GRID2: variants seen among roughly 807,000 people sequenced by gnomAD.
GRID2 encodes glutamate receptor ionotropic, delta-2.
In GRID2, 33 loss-of-function variants were observed where a neutral mutation model predicts 114.8. That is an observed-to-expected ratio of 0.29 (90% CI 0.22 to 0.38). The LOEUF (loss-of-function observed/expected upper bound fraction) is 0.38, where lower values mean the gene tolerates loss of function less well. Ranked by LOEUF, GRID2 falls within the 10% of genes least tolerant of loss-of-function variation. The probability of loss-of-function intolerance (pLI) is 1.00; values close to 1 mark genes in which losing one functional copy is unlikely to be tolerated. For missense variants in GRID2, 1,184 were observed against 1,257.7 expected (o/e 0.94, Z 0.89); for synonymous variants, 505 against 449.9 (o/e 1.12, Z -1.55).
chr4:93,116,436 TATG>T (rs1733268355), intron 4 of GRID2, among the ~76,000 whole-genome samples: 1 of 152,220 alleles, frequency 6.6e-6, no homozygotes, highest in South Asian at 2.1e-4. Flanking sequence ...AGTATTAAGA[TATG>T]ATTATATTTA....
intron 4 of GRID2, among the ~76,000 whole-genome samples, chr4:93,119,823 G>C (rs1368489401): frequency 6.6e-6 from 1 of 152,174 alleles, no homozygotes; most frequent in Non-Finnish European, 1.5e-5. Flanking sequence ...AGTAGATACA[G>C]AATGACTCCC....
chr4:92,999,341 C>G (rs1434822065), intron 2 of GRID2, among the ~76,000 whole-genome samples: 4 of 151,736 alleles, frequency 2.6e-5, no homozygotes, highest in Admixed American at 2.0e-4. Context: ...AACCAATTTT[C>G]CCAGTTTGCC....
At chr4:92,970,460 TAATA>T (rs1236204350) in intron 2 of GRID2, among the ~76,000 whole-genome samples, 1 of 151,990 alleles carries the variant, frequency 6.6e-6, no homozygotes, top group Non-Finnish European at 1.5e-5. Flanking sequence ...ATAGATTGTT[TAATA>T]AATAATAGTG....
intron 4 of GRID2, among the ~76,000 whole-genome samples, chr4:93,178,243 C>T (rs969167043): frequency 1.3e-5 from 2 of 151,970 alleles, no homozygotes; most frequent in Non-Finnish European, 2.9e-5. Context: ...GGACTCTGCC[C>T]CATCTGTCCA....
intron 2 of GRID2, among the ~76,000 whole-genome samples, chr4:92,677,102 C>T (rs1417480499): frequency 6.6e-6 from 1 of 151,942 alleles, no homozygotes; most frequent in Non-Finnish European, 1.5e-5. Flanking sequence ...TTGGTGGCTG[C>T]CAGGGGTTGG....
chr4:92,595,746 T>A (rs1728918637), intron 2 of GRID2, among the ~76,000 whole-genome samples: 1 of 152,108 alleles, frequency 6.6e-6, no homozygotes. Flanking sequence ...TTCATGTGTG[T>A]AAATGGGATG....
In GRID2 at chr4:92,824,585, TA is replaced by T. The variant is rs150490973; in HGVS notation, c.244+234305del. Among the ~76,000 whole-genome samples the T allele has an allele frequency of 5.5e-3, 830 of 152,206 alleles. 14 individuals are homozygous for T. Among genetic ancestry groups the T allele is most frequent in the African/African-American group, 0.019 (790 of 41,552 alleles). ...AGTTGAAAGCCATTAATTGCTCTTT[TA>T]AAAAACTAAAGAAAATTATAATTAT... On this transcript the variant is annotated intron_variant, in intron 2 of 15. Transcript: ENST00000282020.
At chr4:93,719,487 C>G (rs780302633) in intron 14 of GRID2, among the ~76,000 whole-genome samples, 10 of 151,768 alleles carry the variant, frequency 6.6e-5, no homozygotes, top group Non-Finnish European at 1.5e-4. Flanking sequence ...TTGCCCACAT[C>G]ATAGCTTTTA....
In GRID2 at chr4:92,568,458, C is replaced by A. The variant is rs149097414; in HGVS notation, c.89-21673C>A. Among the ~76,000 whole-genome samples the A allele has an allele frequency of 2.0e-5, 3 of 152,072 alleles. No homozygotes were observed. In the East Asian group the frequency reaches 5.8e-4, roughly 29 times the overall value. On this transcript the variant is annotated intron_variant, in intron 1 of 15. Transcript: ENST00000282020. ...TGTTGGTTCCTCAGATATGTGCTAC[C>A]TTTATTCTTCTGAAGTTTCTGAATA...
intron 12 of GRID2, among the ~76,000 whole-genome samples, chr4:93,493,844 A>C (rs563784029): frequency 6.6e-6 from 1 of 151,772 alleles, no homozygotes; most frequent in African/African-American, 2.4e-5. Flanking sequence ...TCATTTTTTT[A>C]AAAAATCATT....
intron 2 of GRID2, among the ~76,000 whole-genome samples, chr4:92,800,489 C>G (rs571436358): frequency 6.6e-6 from 1 of 151,998 alleles, no homozygotes; most frequent in African/African-American, 2.4e-5. Flanking sequence ...TAAAATAGCA[C>G]ATATATCAAT....
chr4:93,802,310 G>C (rs1734947928), intron 1 of GRID2, among the ~76,000 whole-genome samples: 1 of 152,106 alleles, frequency 6.6e-6, no homozygotes, highest in African/African-American at 2.4e-5. Context: ...ATTCTGTGAG[G>C]GGAGCGTCAA....
At chr4:92,983,368 G>T (rs138281320) in intron 2 of GRID2, among the ~76,000 whole-genome samples, 137 of 152,066 alleles carry the variant, frequency 9.0e-4, no homozygotes, top group Middle Eastern at 3.4e-3. Flanking sequence ...GGTTACCTAA[G>T]CCCATTCACA....
At chr4:93,001,430 G>A (rs1361390901) in intron 2 of GRID2, among the ~76,000 whole-genome samples, 2 of 151,596 alleles carry the variant, frequency 1.3e-5, no homozygotes, top group East Asian at 1.9e-4. Flanking sequence ...ATATGTAAAT[G>A]AATAATATGA....
intron 2 of GRID2, among the ~76,000 whole-genome samples, chr4:92,615,189 GTCTT>G (rs1295410470): frequency 6.6e-6 from 1 of 151,448 alleles, no homozygotes; most frequent in Non-Finnish European, 1.5e-5. Context: ...TCCTAACATG[GTCTT>G]TCTTTGATAC....
chr4:93,383,155 C>A (rs986275666), intron 8 of GRID2, among the ~76,000 whole-genome samples: 2 of 152,068 alleles, frequency 1.3e-5, no homozygotes, highest in South Asian at 2.1e-4. Context: ...CCATTTAAAT[C>A]CCCTGGAAAT....
chr4:92,974,677 C>T lies in GRID2; in HGVS notation c.245-110318C>T, dbSNP rs529790993. 4.0e-5 allele frequency among the ~76,000 whole-genome samples: 6 copies of T among 149,816 alleles called. No homozygotes were observed. The East Asian group carries it at 6.3e-4, about 16-fold the overall frequency. On this transcript the variant is annotated intron_variant, in intron 2 of 15. Transcript: ENST00000282020. Reference sequence around the variant, plus strand: ...GGAAGGGAAACATCACACACCAGAACGTGTCGCGGGGGTAGGGGGGTAGGG... The same window carrying T: ...GGAAGGGAAACATCACACACCAGAATGTGTCGCGGGGGTAGGGGGGTAGGG...
intron 2 of GRID2, among the ~76,000 whole-genome samples, chr4:92,908,364 G>C (rs1748113118): frequency 6.6e-6 from 1 of 152,040 alleles, no homozygotes; most frequent in Non-Finnish European, 1.5e-5. Flanking sequence ...GGTAACTGCT[G>C]AAATATAGAA....
intron 12 of GRID2, among the ~76,000 whole-genome samples, chr4:93,494,027 C>T (rs996747044): frequency 5.9e-5 from 9 of 151,756 alleles, no homozygotes; most frequent in African/African-American, 1.9e-4. Flanking sequence ...TTTCATGCCT[C>T]AACAGTGTTG....
Sources: allele counts gnomAD v4.1 joint callset (sites outside exome capture counted in the v4.1 genomes callset), GRCh38; gene constraint gnomAD v4.1.1; transcripts MANE v1.5; gene names NCBI Gene and HGNC (gene_info 2026-07-23, HGNC 2026-07-21).